The following CAMSAP2 variants were observed in gnomAD, a reference collection of about 807,000 sequenced individuals.
The protein encoded by CAMSAP2 is calmodulin regulated spectrin associated protein family member 2.
A neutral mutation model predicts 146.1 loss-of-function variants in CAMSAP2; 26 were observed. The observed-to-expected ratio is 0.18, with a 90% CI of 0.13 to 0.25. The LOEUF (loss-of-function observed/expected upper bound fraction) is 0.25. Ranked by LOEUF, CAMSAP2 falls within the 10% of genes least tolerant of loss-of-function variation. CAMSAP2 has a pLI of 1.00. For missense variants in CAMSAP2, 1,381 were observed against 1,759.3 expected (o/e 0.78, Z 3.85); for synonymous variants, 499 against 596.6 (o/e 0.84, Z 2.38).
intron 2 of CAMSAP2, among the ~76,000 whole-genome samples, chr1:200,797,462 A>G: frequency 1.4e-5 from 2 of 144,688 alleles, no homozygotes; most frequent in African/African-American, 2.6e-5. Flanking sequence ...GGCTGCATAA[A>G]TGTCTTCTTT....
At chr1:200,840,585 A>G (rs1022519254) in intron 6 of CAMSAP2, among the ~76,000 whole-genome samples, 1 of 152,138 alleles carries the variant, frequency 6.6e-6, no homozygotes, top group Non-Finnish European at 1.5e-5. Context: ...CTTTCTACAT[A>G]CACGATAGCC....
chr1:200,856,191 A>G (rs904493895), intron 15 of CAMSAP2, 66 bp downstream of exon 15: 25 of 1,183,240 alleles, frequency 2.1e-5, no homozygotes, highest in Non-Finnish European at 3.1e-5. Flanking sequence ...AGGGTGTACT[A>G]AAGAAAATTT....
At chr1:200,839,147 C>A (rs970559326) in intron 6 of CAMSAP2, among the ~76,000 whole-genome samples, 7 of 152,128 alleles carry the variant, frequency 4.6e-5, no homozygotes, top group African/African-American at 1.7e-4. Flanking sequence ...GGCAGTGTTT[C>A]AAAGAGGGGC....
In CAMSAP2 at chr1:200,850,124, G is replaced by A; in HGVS notation, c.3355G>A (p.Asp1119Asn). Residue 1119 changes from aspartate (D) to asparagine (N), a missense_variant, in exon 11 of 17, where the codon GAT becomes AAT. Physicochemically the swap from Asp to Asn is conservative, Grantham distance 23. Coordinates refer to ENST00000358823, the MANE Select transcript of CAMSAP2 (RefSeq NM_203459.4). ...NVNLIEVSLS[D>N]LKPPEKADVP... ...TAATCTGATTGAAGTTTCCCTCTCA[G>A]ATTTGAAACCCCCTGAAAAGGCTGA... The A allele has an allele frequency of 1.2e-6, 2 of 1,614,020 alleles. No homozygotes were observed. The highest frequency in any genetic ancestry group is 1.7e-6 in the Non-Finnish European group (2 of 1,179,994).
At chr1:200,845,823 C>A (rs1383502427) in intron 8 of CAMSAP2, among the ~76,000 whole-genome samples, 1 of 152,152 alleles carries the variant, frequency 6.6e-6, no homozygotes, top group East Asian at 1.9e-4. Context: ...AATATTAAAT[C>A]TTTAATGTTT....
chr1:200,782,182 A>G (rs1226744802), intron 2 of CAMSAP2, among the ~76,000 whole-genome samples: 2 of 152,206 alleles, frequency 1.3e-5, no homozygotes, highest in Non-Finnish European at 1.5e-5. Flanking sequence ...GCAGTTTGAT[A>G]TACATCTCAT....
chr1:200,852,689 T>G lies in CAMSAP2; in HGVS notation c.3602+12T>G. On this transcript the variant is annotated intron_variant, in intron 12 of 16. Coordinates refer to ENST00000358823, the MANE Select transcript of CAMSAP2 (RefSeq NM_203459.4). ...AAGGAGGAAACAAGGTAAAGGAAAT[T>G]GCTGGCCCAGTGCTAGATCTGAACT... The G allele has an allele frequency of 6.2e-7, 1 of 1,610,066 alleles. No individual in the cohort carries two copies. The highest frequency in any genetic ancestry group is 8.5e-7 in the Non-Finnish European group (1 of 1,178,978).
chr1:200,857,645 A>G lies in CAMSAP2; in HGVS notation c.4132-109A>G. 1 of 1,022,614 alleles carries G rather than the reference A, an allele frequency of 9.8e-7. No homozygotes were observed. The highest frequency in any genetic ancestry group is 1.4e-6 in the Non-Finnish European group (1 of 710,164). 63.3% of individuals were successfully genotyped at this position (1,022,614 alleles called of 1,614,324 possible). On this transcript the variant is annotated intron_variant, in intron 16 of 16. Transcript: ENST00000358823. This position sits in a 1 kb window ranked among gnomAD's most constrained non-coding sequence, Gnocchi z 4.7. ...GGCTTTAAGATTTGTCATTGAAATA[A>G]TGTTATAAAATGTGACTAAGAAACG... is the stretch of plus-strand genomic sequence containing the variant.
chr1:200,848,949 G>C lies in CAMSAP2; in HGVS notation c.2180G>C (p.Trp727Ser), dbSNP rs778784620. 3 of 1,614,142 alleles carry C rather than the reference G, an allele frequency of 1.9e-6. No individual in the cohort carries two copies. Among genetic ancestry groups the C allele is most frequent in the South Asian group, 1.1e-5 (1 of 91,086 alleles). The change falls in exon 11 of 17, where the codon TGG becomes TCG. Residue 727 changes from tryptophan to serine, a missense_variant. By Grantham distance (177) the Trp-to-Ser change is radical (BLOSUM62 -3). Coordinates refer to ENST00000358823, the MANE Select transcript of CAMSAP2 (RefSeq NM_203459.4). ...SELNIPHVVA[W>S]AQIPEETGLP... ...CTTAATATTCCTCATGTGGTTGCTT[G>C]GGCACAAATTCCAGAAGAAACAGGG... is the stretch of plus-strand genomic sequence containing the variant.
At chr1:200,775,139 A>T (rs1242929408) in intron 2 of CAMSAP2, among the ~76,000 whole-genome samples, 1 of 152,238 alleles carries the variant, frequency 6.6e-6, no homozygotes, top group East Asian at 1.9e-4. Context: ...CTGTCAACTG[A>T]GTTGATATTT....
At chr1:200,790,171 G>A (rs912485721) in intron 2 of CAMSAP2, among the ~76,000 whole-genome samples, 10 of 152,090 alleles carry the variant, frequency 6.6e-5, no homozygotes, top group African/African-American at 2.4e-4. Context: ...AAGGCTAGAG[G>A]GGACAGGATT....
rs1664328196 is a variant in CAMSAP2, at chr1:200,746,480, T to C, written c.139+6514T>C. On this transcript the variant is annotated intron_variant, in intron 1 of 16. Transcript: ENST00000358823. ...AGCGGGTTGGGGGGAAAGAACCATG[T>C]TGAGTTTGAGGAATATAAAATGGTG... 2.0e-5 allele frequency among the ~76,000 whole-genome samples: 3 copies of C among 152,246 alleles called. No homozygotes were observed. In the South Asian group the frequency reaches 6.2e-4, roughly 32 times the overall value.
At position 200,853,298 on chromosome 1, in the gene CAMSAP2, A is replaced by C; in HGVS notation, c.3626A>C (p.Gln1209Pro). The C allele has an allele frequency of 6.2e-7, 1 of 1,613,424 alleles. No individual in the cohort carries two copies. Among genetic ancestry groups the C allele is most frequent in the Non-Finnish European group, 8.5e-7 (1 of 1,179,898 alleles). The change falls in exon 13 of 17, where the codon CAG (glutamine) becomes CCG (proline). Residue 1209 changes from glutamine (Q) to proline (P), a missense_variant. Gln to Pro is a moderately conservative substitution (Grantham distance 76). Transcript: ENST00000358823. This position sits in a 1 kb window ranked among gnomAD's most constrained non-coding sequence, Gnocchi z 5.1. ...ETRRKTEEERQKKEDERARRE... is the reference protein window; with the variant it reads ...ETRRKTEEERPKKEDERARRE... ...AGGCGTAAAACTGAGGAAGAACGTCAGAAGAAAGAAGATGAGAGAGCACGC... is the reference window on the plus strand; with the variant it reads ...AGGCGTAAAACTGAGGAAGAACGTCCGAAGAAAGAAGATGAGAGAGCACGC...
intron 2 of CAMSAP2, among the ~76,000 whole-genome samples, chr1:200,763,487 C>T (rs1047100094): frequency 3.9e-5 from 6 of 151,960 alleles, no homozygotes; most frequent in South Asian, 2.1e-4. Context: ...TGCAGTTAGC[C>T]GAGATTCCGC....
chr1:200,838,605 C>T (rs1285286315), intron 6 of CAMSAP2, among the ~76,000 whole-genome samples: 1 of 151,996 alleles, frequency 6.6e-6, no homozygotes, highest in East Asian at 1.9e-4. Flanking sequence ...ACTTTATCAT[C>T]TGGAGGGTAA....
chr1:200,828,766 A>T (rs1666968344), intron 4 of CAMSAP2, among the ~76,000 whole-genome samples: 1 of 152,206 alleles, frequency 6.6e-6, no homozygotes, highest in South Asian at 2.1e-4. Context: ...AGATACAGCC[A>T]AGGTTTAGAT....
At position 200,848,362 on chromosome 1, in the gene CAMSAP2, C is replaced by T. The variant is rs1376577516; in HGVS notation, c.1593C>T (p.Asp531=). ...CTTTACAAAATAGAATACTTCTTGA[C>T]GAGTTTGGCAATCAGATCGAGACAC... ...NGALQNRILL[D]EFGNQIETPS... The change falls in exon 11 of 17, where the codon GAC becomes GAT. Residue 531 remains aspartate, a synonymous_variant. Coordinates refer to ENST00000358823, the MANE Select transcript of CAMSAP2 (RefSeq NM_203459.4). The T allele has an allele frequency of 7.4e-6, 12 of 1,613,708 alleles. No individual in the cohort carries two copies. The highest frequency in any genetic ancestry group is 5.0e-5 in the Admixed American group (3 of 59,980).
chr1:200,792,920 A>G (rs565562009), intron 2 of CAMSAP2, among the ~76,000 whole-genome samples: 182 of 152,332 alleles, frequency 1.2e-3, no homozygotes, highest in African/African-American at 4.1e-3. Flanking sequence ...AACTGGGTCT[A>G]TGGTAAATGG....
intron 2 of CAMSAP2, among the ~76,000 whole-genome samples, chr1:200,781,755 G>C (rs1665439265): frequency 6.6e-6 from 1 of 151,958 alleles, no homozygotes; most frequent in Non-Finnish European, 1.5e-5. Context: ...TGTTGCCCTG[G>C]CTGGTTTCGA....
Sources: allele counts gnomAD v4.1 joint callset (sites outside exome capture counted in the v4.1 genomes callset), GRCh38; gene constraint gnomAD v4.1.1; non-coding constraint Gnocchi (gnomAD v3.1); transcripts MANE v1.5; gene names NCBI Gene and HGNC (gene_info 2026-07-23, HGNC 2026-07-21).